Variants in FBXO25 observed in about 807,000 individuals in gnomAD.
FBXO25 encodes the protein F-box only protein 25.
FBXO25 carries 45 observed loss-of-function variants against 51.9 expected under a neutral mutation model. The observed-to-expected ratio is 0.87, with a 90% CI of 0.68 to 1.11. The LOEUF (loss-of-function observed/expected upper bound fraction) is 1.11. Among genes scored for constraint, FBXO25 ranks in the 50% most tolerant of loss-of-function variants. FBXO25 has a pLI of 0.00. For synonymous variants in FBXO25, 199 were observed against 151.0 expected, an observed-to-expected ratio of 1.32 and a Z score of -2.33; for missense variants, 507 against 428.5, an observed-to-expected ratio of 1.18 and a Z score of -1.62.
At chr8:427,605 A>G (rs1338649842) in intron 2 of FBXO25, among the ~76,000 whole-genome samples, 1 of 148,568 alleles carries the variant, frequency 6.7e-6, no homozygotes, top group African/African-American at 2.5e-5. Context: ...TGGAGGCCAG[A>G]AATCCAAAAT....
At chr8:448,964 A>G (rs2097037546) in intron 5 of FBXO25, among the ~76,000 whole-genome samples, 1 of 152,228 alleles carries the variant, frequency 6.6e-6, no homozygotes, top group African/African-American at 2.4e-5. Flanking sequence ...CAGAAGAACT[A>G]CAGAGAGAAC....
At position 450,085 on chromosome 8, in the gene FBXO25, TAAG is replaced by T. The variant is rs1798985337; in HGVS notation, c.475+4_475+6del. The T allele has an allele frequency of 6.3e-7, 1 of 1,599,994 alleles. No individual in the cohort carries two copies. The highest frequency in any genetic ancestry group is 8.6e-7 in the Non-Finnish European group (1 of 1,169,166). On this transcript the variant is annotated splice_donor_5th_base_variant and intron_variant, in intron 6 of 9. Coordinates refer to ENST00000350302, the MANE Select transcript of FBXO25 (RefSeq NM_183420.2). ...TTTTGGATAAAATCGTTCAAAAGGGTAAGATGATCACTGTATTTTTAATACTCT... is the reference window on the plus strand; with the variant it reads ...TTTTGGATAAAATCGTTCAAAAGGGTATGATCACTGTATTTTTAATACTCT...
chr8:417,348 G>C lies in FBXO25; in HGVS notation c.134+4135G>C, dbSNP rs111972894. 9.8e-3 allele frequency among the ~76,000 whole-genome samples: 1,497 copies of C among 152,336 alleles called. 20 individuals are homozygous for C. The highest frequency in any genetic ancestry group is 0.034 in the African/African-American group (1,401 of 41,580). ...ACGCAGGACAGAAGCAAGTGGACCA[G>C]TTCTTAAGAGGGTTGGGTTAACCCC... On this transcript the variant is annotated intron_variant, in intron 2 of 9. Coordinates refer to ENST00000350302, the MANE Select transcript of FBXO25 (RefSeq NM_183420.2).
At chr8:454,685 A>G (rs780764617) in intron 7 of FBXO25, among the ~76,000 whole-genome samples, 26 of 152,110 alleles carry the variant, frequency 1.7e-4, no homozygotes, top group Non-Finnish European at 3.4e-4. Context: ...AGGTCAAGAG[A>G]TAGAGACCAT....
chr8:416,239 A>G (rs1165662753), intron 2 of FBXO25, among the ~76,000 whole-genome samples: 3 of 152,184 alleles, frequency 2.0e-5, no homozygotes, highest in East Asian at 1.9e-4. Flanking sequence ...TGTGTTATCA[A>G]TATTTCAAAC....
Position 463,253 on chromosome 8 carries a change from TTGTTA to T in FBXO25, c.987+105_987+109del, listed in dbSNP as rs1243007398. On this transcript the variant is annotated intron_variant, in intron 9 of 9. Transcript: ENST00000350302. Reference sequence around the variant, plus strand: ...AAGACTAAAAAGCGGAAAATACTGTTTGTTATAAGTAAGTTAAGGAGATATATTTT... The same window carrying T: ...AAGACTAAAAAGCGGAAAATACTGTTTAAGTAAGTTAAGGAGATATATTTT... The T allele has an allele frequency of 5.5e-6, 7 of 1,269,400 alleles. No individual in the cohort carries two copies. The African/African-American group carries it at 9.1e-5, about 16-fold the overall frequency. 78.6% of individuals were successfully genotyped at this position (1,269,400 alleles called of 1,614,324 possible). A position where few individuals can be genotyped will look rare whatever the true frequency, so the allele number is the denominator to read the frequency against.
intron 2 of FBXO25, among the ~76,000 whole-genome samples, chr8:416,311 C>G (rs900700384): frequency 6.6e-5 from 10 of 152,344 alleles, no homozygotes; most frequent in African/African-American, 1.2e-4. Context: ...TTCAAAACAA[C>G]CGGATCTCTT....
intron 5 of FBXO25, among the ~76,000 whole-genome samples, chr8:446,421 T>C (rs1231947869): frequency 6.6e-6 from 1 of 152,256 alleles, no homozygotes; most frequent in African/African-American, 2.4e-5. Context: ...CTTTGGTTAT[T>C]AAGCAGTGCT....
intron 2 of FBXO25, among the ~76,000 whole-genome samples, chr8:413,947 T>A (rs535684533): frequency 2.2e-4 from 33 of 152,210 alleles, no homozygotes; most frequent in African/African-American, 7.7e-4. Flanking sequence ...ACCACAGTGG[T>A]GTTTGAGAAT....
At chr8:435,502 TA>T in intron 4 of FBXO25, 112 bp from the exon 5 acceptor site, 1 of 1,089,018 alleles carries the variant, frequency 9.2e-7, no homozygotes, top group Middle Eastern at 3.1e-4. Context: ...GTCTTCAAAA[TA>T]AAAACAAATT....
intron 8 of FBXO25, among the ~76,000 whole-genome samples, chr8:459,430 G>A (rs1799663751): frequency 6.6e-6 from 1 of 152,180 alleles, no homozygotes; most frequent in Non-Finnish European, 1.5e-5. Context: ...GGCAGAGGCC[G>A]AGCTACACTA....
chr8:453,822 GAA>G (rs1452841002), intron 7 of FBXO25, among the ~76,000 whole-genome samples: 5 of 152,124 alleles, frequency 3.3e-5, no homozygotes, highest in Admixed American at 3.3e-4. Flanking sequence ...ATCCCAACAA[GAA>G]ATACCTTGAC....
intron 7 of FBXO25, among the ~76,000 whole-genome samples, chr8:457,840 C>G (rs1799550818): frequency 6.6e-6 from 1 of 152,208 alleles, no homozygotes; most frequent in Non-Finnish European, 1.5e-5. Flanking sequence ...AAAAACCCCA[C>G]AAAGCTAGAA....
Position 432,886 on chromosome 8 carries a change from G to A in FBXO25, c.239G>A (p.Ser80Asn), listed in dbSNP as rs1260380245. 4.5e-6 allele frequency: 7 copies of A among 1,548,288 alleles called. No homozygotes were observed. Among genetic ancestry groups the A allele is most frequent in the Non-Finnish European group, 5.2e-6 (6 of 1,152,498 alleles). Residue 80 changes from serine to asparagine, a missense_variant and splice_region_variant, in exon 4 of 10, where the codon AGT becomes AAT. By Grantham distance (46) the Ser-to-Asn change is conservative. Coordinates refer to ENST00000350302, the MANE Select transcript of FBXO25 (RefSeq NM_183420.2). ...DHFRNDTNTQ[S>N]FYREKWIYVH... ...AAAACAAAGGTAATTTTTATTCTAG[G>A]TTTTTATCGTGAAAAATGGATCTAT...
intron 5 of FBXO25, among the ~76,000 whole-genome samples, chr8:439,754 G>T (rs182400445): frequency 6.6e-6 from 1 of 152,268 alleles, no homozygotes; most frequent in East Asian, 1.9e-4. Context: ...CTGCTTCTCA[G>T]TATCCCAAGG....
At chr8:467,792 T>G (rs1455412019) in intron 9 of FBXO25, 3 of 1,612,094 alleles carry the variant, frequency 1.9e-6, no homozygotes, top group African/African-American at 2.7e-5. Flanking sequence ...GATGAAAACG[T>G]TGCATCGTGC....
chr8:430,581 C>T (rs1020382458), intron 2 of FBXO25, among the ~76,000 whole-genome samples: 3 of 152,168 alleles, frequency 2.0e-5, no homozygotes, highest in African/African-American at 7.2e-5. Context: ...CCTCCACCAA[C>T]CAGCTTGTCT....
intron 7 of FBXO25, among the ~76,000 whole-genome samples, chr8:456,320 C>G (rs1799427520): frequency 6.6e-6 from 1 of 152,172 alleles, no homozygotes; most frequent in Non-Finnish European, 1.5e-5. Context: ...GGTGATCCTC[C>G]CACCTCAGCC....
intron 9 of FBXO25, chr8:468,154 T>C: frequency 9.7e-7 from 1 of 1,027,382 alleles, no homozygotes. Flanking sequence ...TCACTTCTCA[T>C]ATTAAATATA....
Sources: gnomAD v4.1 joint callset for allele counts (sites outside exome capture counted in the v4.1 genomes callset) on GRCh38, gnomAD v4.1.1 for gene constraint, MANE v1.5 for transcripts, NCBI Gene and HGNC (gene_info 2026-07-23, HGNC 2026-07-21) for gene names.